The following COL22A1 variants were observed in gnomAD, a reference collection of about 807,000 sequenced individuals.
COL22A1 encodes collagen alpha-1(XXII) chain.
In COL22A1, 221 loss-of-function variants were observed where a neutral mutation model predicts 248.9. The ratio of observed to expected loss-of-function variants is 0.89; its 90% CI spans 0.80 to 0.99. COL22A1 has a LOEUF of 0.99. Ranked by LOEUF, COL22A1 falls within the 50% of genes least tolerant of loss-of-function variation. The probability of loss-of-function intolerance (pLI) is 0.00; values close to 1 mark genes in which losing one functional copy is unlikely to be tolerated. For synonymous variants in COL22A1, 891 were observed against 793.4 expected (o/e 1.12, Z -2.07); for missense variants, 2,240 against 2,179.0 (o/e 1.03, Z -0.56).
intron 43 of COL22A1, 81 bp from the exon 44 acceptor site, chr8:138,660,561 C>T (rs1823731796): frequency 8.0e-7 from 1 of 1,252,120 alleles, no homozygotes; most frequent in Non-Finnish European, 1.2e-6. Context: ...CTGCCAATCT[C>T]TCTATCTGCT....
chr8:138,631,808 C>T (rs893545890), intron 49 of COL22A1, among the ~76,000 whole-genome samples: 2 of 152,150 alleles, frequency 1.3e-5, no homozygotes, highest in Non-Finnish European at 2.9e-5. Flanking sequence ...CATCCCTGCC[C>T]TGGGGAGGTC....
intron 35 of COL22A1, among the ~76,000 whole-genome samples, chr8:138,693,154 C>T (rs758147387): frequency 6.6e-6 from 1 of 152,180 alleles, no homozygotes; most frequent in Admixed American, 6.5e-5. Context: ...CAAATACACC[C>T]TGGATCTGGC....
At chr8:138,681,910 T>C (rs915179468) in intron 39 of COL22A1, among the ~76,000 whole-genome samples, 1 of 152,202 alleles carries the variant, frequency 6.6e-6, no homozygotes, top group South Asian at 2.1e-4. Context: ...TTGGTCTACA[T>C]TGACCAAATT....
At chr8:138,907,897 A>G (rs1563912742) in intron 1 of COL22A1, among the ~76,000 whole-genome samples, 2 of 152,206 alleles carry the variant, frequency 1.3e-5, no homozygotes, top group African/African-American at 4.8e-5. Context: ...GTGTGCCCTC[A>G]TGACCCAATC....
chr8:138,720,328 G>C (rs1829772509), intron 27 of COL22A1, among the ~76,000 whole-genome samples: 1 of 152,164 alleles, frequency 6.6e-6, no homozygotes, highest in Non-Finnish European at 1.5e-5. Context: ...AGTTCAGAGA[G>C]AGCGAGCGAG....
chr8:138,797,091 AAC>A (rs755055530), intron 11 of COL22A1, among the ~76,000 whole-genome samples: 4 of 152,178 alleles, frequency 2.6e-5, no homozygotes, highest in South Asian at 2.1e-4. Flanking sequence ...TTGTTTCCAT[AAC>A]AGTTTCATTG....
At chr8:138,666,612 T>C (rs1311035592) in intron 41 of COL22A1, among the ~76,000 whole-genome samples, 1 of 152,082 alleles carries the variant, frequency 6.6e-6, no homozygotes, top group African/African-American at 2.4e-5. Context: ...CCACCATACC[T>C]GCATCTGAAC....
At chr8:138,642,509 C>T (rs1821803510) in intron 47 of COL22A1, among the ~76,000 whole-genome samples, 1 of 152,194 alleles carries the variant, frequency 6.6e-6, no homozygotes, top group Admixed American at 6.5e-5. Context: ...CCCTGTATTT[C>T]AGATGCAGCA....
intron 63 of COL22A1, among the ~76,000 whole-genome samples, chr8:138,592,481 CTTAT>C (rs1344190574): frequency 5.9e-5 from 9 of 152,100 alleles, no homozygotes; most frequent in Admixed American, 5.2e-4. Flanking sequence ...TTTATGCTTT[CTTAT>C]TGACATTTAT....
chr8:138,895,151 C>A (rs892029645), intron 1 of COL22A1, among the ~76,000 whole-genome samples: 1 of 151,866 alleles, frequency 6.6e-6, no homozygotes, highest in Non-Finnish European at 1.5e-5. Context: ...AACATCTATC[C>A]TCACCTAGGC....
intron 3 of COL22A1, among the ~76,000 whole-genome samples, chr8:138,873,784 A>G (rs1823518255): frequency 6.6e-6 from 1 of 152,218 alleles, no homozygotes; most frequent in African/African-American, 2.4e-5. Context: ...AATGTTTACT[A>G]TAATGCATGA....
chr8:138,694,272 C>T (rs1827319080), intron 34 of COL22A1, among the ~76,000 whole-genome samples: 1 of 152,202 alleles, frequency 6.6e-6, no homozygotes, highest in Non-Finnish European at 1.5e-5. Context: ...CCTACACCAA[C>T]CCTTTAGTGA....
chr8:138,682,038 A>G lies in COL22A1; in HGVS notation c.3013-2362T>C, dbSNP rs558657627. ...TATTTCTGGAGCCTCACATTTTCAT[A>G]TCTTGCATGTTATTGTAAGCAAGCC... On this transcript the variant is annotated intron_variant, in intron 39 of 64. Transcript: ENST00000303045. Among the ~76,000 whole-genome samples the G allele has an allele frequency of 9.8e-5, 15 of 152,336 alleles. 1 individual carries two copies. The highest frequency in any genetic ancestry group is 3.6e-4 in the African/African-American group (15 of 41,582).
At position 138,700,138 on chromosome 8, in the gene COL22A1, G is replaced by A; in HGVS notation, c.2566C>T (p.Leu856=). 1 of 1,613,586 alleles carries A rather than the reference G, an allele frequency of 6.2e-7. No homozygotes were observed. The highest frequency in any genetic ancestry group is 8.5e-7 in the Non-Finnish European group (1 of 1,179,898). The part of the protein sequence containing the change: ...GPPGLPGTTS[L]FTPHPRMPGE... ...GGCATCCGTGGATGTGGTGTGAACA[G>A]GGATGTCTGAAAAGGAAACCACAGA... Residue 856 remains leucine, a synonymous_variant, in exon 32 of 65, where the codon CTG becomes TTG. Coordinates refer to ENST00000303045, the MANE Select transcript of COL22A1 (RefSeq NM_152888.3).
chr8:138,703,293 C>A lies in COL22A1; in HGVS notation c.2559+13G>T, dbSNP rs779082216. The A allele has an allele frequency of 1.2e-6, 2 of 1,609,938 alleles. No individual in the cohort carries two copies. The highest frequency in any genetic ancestry group is 2.7e-5 in the African/African-American group (2 of 74,780). On this transcript the variant is annotated intron_variant, in intron 31 of 64. Transcript: ENST00000303045. ...AATTCAGAGGAGAAAGAATTAGAAG[C>A]GGAGTAACTTACAGTTCCAGGTAAC...
chr8:138,702,625 A>G (rs1238050465), intron 31 of COL22A1, among the ~76,000 whole-genome samples: 2 of 151,754 alleles, frequency 1.3e-5, no homozygotes, highest in Admixed American at 6.6e-5. Context: ...AAAAAAAAAA[A>G]GAAAAAGAAA....
chr8:138,723,015 G>A (rs201031347), intron 25 of COL22A1, among the ~76,000 whole-genome samples: 1 of 151,548 alleles, frequency 6.6e-6, no homozygotes, highest in South Asian at 2.1e-4. Flanking sequence ...GTTTACCTAT[G>A]TAACAAGCTT....
At chr8:138,694,610 G>A (rs1427362697) in intron 33 of COL22A1, 49 bp from the exon 34 acceptor site, 1 of 1,593,646 alleles carries the variant, frequency 6.3e-7, no homozygotes, top group Non-Finnish European at 8.6e-7. Flanking sequence ...CTGGTTCTGA[G>A]CAGATGGGCG....
At chr8:138,610,040 A>T (rs1471462809) in intron 56 of COL22A1, among the ~76,000 whole-genome samples, 1 of 152,222 alleles carries the variant, frequency 6.6e-6, no homozygotes, top group African/African-American at 2.4e-5. Context: ...TCTAGCACAC[A>T]TCAGCCAGTC....
Sources: gnomAD v4.1 joint callset for allele counts (sites outside exome capture counted in the v4.1 genomes callset) on GRCh38, gnomAD v4.1.1 for gene constraint, MANE v1.5 for transcripts, NCBI Gene and HGNC (gene_info 2026-07-23, HGNC 2026-07-21) for gene names.